The following TLK1 variants were observed in gnomAD, a reference collection of about 807,000 sequenced individuals.
The protein encoded by TLK1 is serine/threonine-protein kinase tousled-like 1.
TLK1 carries 24 observed loss-of-function variants against 105.3 expected under a neutral mutation model. The ratio of observed to expected loss-of-function variants is 0.23; its 90% CI spans 0.17 to 0.32. The LOEUF (loss-of-function observed/expected upper bound fraction) is 0.32. TLK1 is among the 10% of genes least tolerant of loss of function. The probability of loss-of-function intolerance (pLI) is 1.00; values close to 1 mark genes in which losing one functional copy is unlikely to be tolerated. For missense variants in TLK1, 558 were observed against 910.5 expected (o/e 0.61, Z 4.98); for synonymous variants, 321 against 310.4 (o/e 1.03, Z -0.36).
At position 171,224,043 on chromosome 2, in the gene TLK1, C is replaced by G. The variant is rs556026459; in HGVS notation, c.-6+7102G>C. ...CTTTGCCCCGACCAATGCTATGGAGCATTTCCCCATTTTTTTCTAGTAGTT... is the reference window on the plus strand; with the variant it reads ...CTTTGCCCCGACCAATGCTATGGAGGATTTCCCCATTTTTTTCTAGTAGTT... On this transcript the variant is annotated intron_variant, in intron 1 of 20. Transcript: ENST00000521943. Among the ~76,000 whole-genome samples the G allele has an allele frequency of 5.3e-5, 8 of 152,182 alleles. No individual in the cohort carries two copies. The South Asian group carries it at 1.4e-3, about 28-fold the overall frequency.
At chr2:171,217,001 T>C (rs1485865494) in intron 1 of TLK1, among the ~76,000 whole-genome samples, 1 of 152,202 alleles carries the variant, frequency 6.6e-6, no homozygotes, top group Non-Finnish European at 1.5e-5. Flanking sequence ...CCACTCAGTG[T>C]GTAGCACTTT....
chr2:171,039,763 T>C (rs1290166892), intron 11 of TLK1, among the ~76,000 whole-genome samples: 1 of 152,144 alleles, frequency 6.6e-6, no homozygotes, highest in Non-Finnish European at 1.5e-5. Context: ...ATAAAAATCA[T>C]CTCTTCAAGT....
intron 13 of TLK1, among the ~76,000 whole-genome samples, chr2:171,011,707 T>C (rs1684924383): frequency 1.3e-5 from 2 of 152,276 alleles, no homozygotes; most frequent in African/African-American, 2.4e-5. Context: ...ATTATAGCAC[T>C]CTCACAAAGA....
At chr2:171,066,027 C>T (rs34627141) in intron 3 of TLK1, among the ~76,000 whole-genome samples, 43,581 of 152,058 alleles carry the variant, frequency 0.29, 7,179 homozygotes, top group Middle Eastern at 0.41. Context: ...ATCCTATTTA[C>T]ATATAAACGT....
chr2:171,008,597 T>C (rs975747382), intron 14 of TLK1, among the ~76,000 whole-genome samples: 1 of 152,216 alleles, frequency 6.6e-6, no homozygotes, highest in Non-Finnish European at 1.5e-5. Flanking sequence ...AAGGTTAATA[T>C]GGCAATCACT....
At position 171,005,354 on chromosome 2, in the gene TLK1, T is replaced by C. The variant is rs1042573601; in HGVS notation, c.1904+793A>G. ...CTGTGATTATATCTAAATTTAAATC[T>C]AGACATATCAAGTCTTTAAAAGGGA... On this transcript the variant is annotated intron_variant, in intron 18 of 20. Transcript: ENST00000431350. Among the ~76,000 whole-genome samples, 3 of 152,342 alleles carry C rather than the reference T, an allele frequency of 2.0e-5. 1 individual carries two copies. Among genetic ancestry groups the C allele is most frequent in the South Asian group, 4.1e-4 (2 of 4,830 alleles).
upstream of TLK1, among the ~76,000 whole-genome samples, chr2:171,162,677 A>T (rs1263692282): frequency 6.6e-6 from 1 of 152,224 alleles, no homozygotes; most frequent in Non-Finnish European, 1.5e-5. Flanking sequence ...CCTCCTCCAC[A>T]CTACTTCCAT....
chr2:171,224,990 A>C (rs1427887357), intron 1 of TLK1, among the ~76,000 whole-genome samples: 1 of 152,238 alleles, frequency 6.6e-6, no homozygotes, highest in Non-Finnish European at 1.5e-5. Context: ...TTCTGGAACA[A>C]CTGGATATTC....
At chr2:171,149,684 C>A (rs1332904264) in intron 1 of TLK1, among the ~76,000 whole-genome samples, 2 of 152,110 alleles carry the variant, frequency 1.3e-5, no homozygotes, top group Non-Finnish European at 2.9e-5. Context: ...GGCAGGAGGA[C>A]TGGTTGAGCC....
chr2:171,212,864 A>G (rs1409677545), intron 1 of TLK1, among the ~76,000 whole-genome samples: 1 of 148,966 alleles, frequency 6.7e-6, no homozygotes, highest in Non-Finnish European at 1.5e-5. Flanking sequence ...ACATGAAGAA[A>G]TAAGAGGAAA....
chr2:171,007,135 G>A (rs1397348306), intron 14 of TLK1, 72 bp from the exon 15 acceptor site: 1 of 1,350,192 alleles, frequency 7.4e-7, no homozygotes, highest in Non-Finnish European at 1.0e-6. Context: ...TTTTATTTTG[G>A]TGATAATTTT....
chr2:171,049,680 CCTTT>C, intron 10 of TLK1, 130 bp downstream of exon 10: 1 of 1,056,830 alleles, frequency 9.5e-7, no homozygotes, highest in South Asian at 1.8e-5. Flanking sequence ...GTTTCATATC[CCTTT>C]CAAAGGTACT....
rs140440028 is a variant in TLK1, at chr2:171,214,592, C to T, written c.-6+16553G>A. Reference sequence around the variant, plus strand: ...GTTAATCATTGGTTGCCAGGCCCCACCCTACAATTTCTGATTCAGTTAAGT... The same window carrying T: ...GTTAATCATTGGTTGCCAGGCCCCATCCTACAATTTCTGATTCAGTTAAGT... On this transcript the variant is annotated intron_variant, in intron 1 of 20. Coordinates refer to the TLK1 transcript ENST00000521943. Among the ~76,000 whole-genome samples, 5 of 152,228 alleles carry T rather than the reference C, an allele frequency of 3.3e-5. No homozygotes were observed. In the East Asian group the frequency reaches 7.7e-4, roughly 23 times the overall value.
chr2:171,228,338 A>G (rs1177408350), intron 1 of TLK1, among the ~76,000 whole-genome samples: 1 of 152,188 alleles, frequency 6.6e-6, no homozygotes, highest in Non-Finnish European at 1.5e-5. Context: ...AGGATCACCT[A>G]AGGCTAGGAA....
intron 3 of TLK1, among the ~76,000 whole-genome samples, chr2:171,063,645 A>G (rs1275647148): frequency 1.3e-5 from 2 of 152,336 alleles, no homozygotes; most frequent in East Asian, 1.9e-4. Flanking sequence ...AATAAAATGT[A>G]AAGTTCAAAA....
At chr2:171,181,188 T>C (rs1412325468) in intron 1 of TLK1, among the ~76,000 whole-genome samples, 3 of 152,208 alleles carry the variant, frequency 2.0e-5, no homozygotes, top group Non-Finnish European at 2.9e-5. Flanking sequence ...AAGTTGGTAG[T>C]TGTAAAACAC....
At position 171,006,143 on chromosome 2, in the gene TLK1, T is replaced by A. The variant is rs1433325482; in HGVS notation, c.1904+4A>T. 1.3e-6 allele frequency: 2 copies of A among 1,578,140 alleles called. No individual in the cohort carries two copies. The highest frequency in any genetic ancestry group is 2.7e-5 in the African/African-American group (2 of 73,410). On this transcript the variant is annotated splice_donor_region_variant and intron_variant, in intron 18 of 20. Coordinates refer to ENST00000431350, the MANE Select transcript of TLK1 (RefSeq NM_012290.5). ...CATTCTGATGTTTTTAGTAATACAC[T>A]TACCAGTAAGTGCCTGCCCCCTGGG... is the stretch of plus-strand genomic sequence containing the variant.
intron 3 of TLK1, among the ~76,000 whole-genome samples, chr2:171,075,687 A>G (rs575256681): frequency 6.6e-6 from 1 of 152,332 alleles, no homozygotes; most frequent in African/African-American, 2.4e-5. Flanking sequence ...TCCCAACTTC[A>G]GTAAGAAATA....
intron 1 of TLK1, among the ~76,000 whole-genome samples, chr2:171,220,168 T>C (rs1159224214): frequency 1.3e-5 from 2 of 152,222 alleles, no homozygotes; most frequent in South Asian, 4.1e-4. Flanking sequence ...CCTTTTTCCA[T>C]ATAAGATAAC....
Sources: gnomAD v4.1 joint callset for allele counts (sites outside exome capture counted in the v4.1 genomes callset) on GRCh38, gnomAD v4.1.1 for gene constraint, MANE v1.5 for transcripts, NCBI Gene and HGNC (gene_info 2026-07-23, HGNC 2026-07-21) for gene names.